Variants in THSD4 observed in about 807,000 individuals in gnomAD.
THSD4 encodes the protein thrombospondin type-1 domain-containing protein 4.
THSD4 carries 69 observed loss-of-function variants against 119.0 expected under a neutral mutation model. That is an observed-to-expected ratio of 0.58 (90% CI 0.48 to 0.71). THSD4 has a LOEUF of 0.71. Among genes scored for constraint, THSD4 ranks in the 30% least tolerant of loss-of-function variants. The probability of loss-of-function intolerance (pLI) is 0.00; values close to 1 mark genes in which losing one functional copy is unlikely to be tolerated. For missense variants in THSD4, 1,393 were observed against 1,391.1 expected (o/e 1.00, Z -0.02); for synonymous variants, 524 against 540.4 (o/e 0.97, Z 0.42).
chr15:71,186,033 G>A (rs2043598192), intron 3 of THSD4: 1 of 152,158 alleles, frequency 6.6e-6, no homozygotes, highest in African/African-American at 2.4e-5. Flanking sequence ...TTTAATCCTG[G>A]CAACAACTTT....
intron 7 of THSD4, among the ~76,000 whole-genome samples, chr15:71,437,416 G>T (rs1005863935): frequency 1.2e-4 from 18 of 152,208 alleles, no homozygotes; most frequent in Admixed American, 9.2e-4. Flanking sequence ...TTGACAGCTT[G>T]AGTCTTTCTT....
intron 7 of THSD4, among the ~76,000 whole-genome samples, chr15:71,538,331 C>T (rs2048713617): frequency 6.6e-6 from 1 of 152,198 alleles, no homozygotes; most frequent in Non-Finnish European, 1.5e-5. Context: ...TGGCTGGCCA[C>T]ATTCCCAACC....
chr15:71,190,098 G>A (rs573802129), intron 3 of THSD4, among the ~76,000 whole-genome samples: 1 of 152,224 alleles, frequency 6.6e-6, no homozygotes. Context: ...ACCTGGGGTA[G>A]ACATCATTTA....
At chr15:71,301,112 G>A (rs1374628984) in intron 6 of THSD4, among the ~76,000 whole-genome samples, 1 of 152,104 alleles carries the variant, frequency 6.6e-6, no homozygotes, top group Non-Finnish European at 1.5e-5. Flanking sequence ...ATTACAGGTT[G>A]GAGGGTTTTT....
At chr15:71,648,877 C>A (rs180940667) in intron 7 of THSD4, among the ~76,000 whole-genome samples, 8 of 152,336 alleles carry the variant, frequency 5.3e-5, no homozygotes, top group Non-Finnish European at 1.2e-4. Context: ...CCTTCATTTA[C>A]ACATTTCATT....
chr15:71,461,886 T>G (rs16955642), intron 7 of THSD4, among the ~76,000 whole-genome samples: 30,168 of 151,930 alleles, frequency 0.2, 3,367 homozygotes, highest in South Asian at 0.38. Flanking sequence ...ACCATTCATT[T>G]GTTGCCATCC....
intron 1 of THSD4, among the ~76,000 whole-genome samples, chr15:71,099,800 A>G (rs1251946779): frequency 1.2e-4 from 18 of 152,090 alleles, no homozygotes; most frequent in Admixed American, 1.2e-3. Flanking sequence ...CCCCTTCCCT[A>G]CAAAAAATAC....
intron 7 of THSD4, among the ~76,000 whole-genome samples, chr15:71,657,064 C>T (rs534586213): frequency 1.3e-5 from 2 of 152,166 alleles, no homozygotes; most frequent in African/African-American, 4.8e-5. Flanking sequence ...TGTTAATTAT[C>T]GACTTTCTAA....
At chr15:71,722,580 A>G (rs913995227) in intron 8 of THSD4, among the ~76,000 whole-genome samples, 3 of 152,194 alleles carry the variant, frequency 2.0e-5, no homozygotes, top group Admixed American at 2.0e-4. Context: ...TGATGTGTGA[A>G]TGGGATCGTA....
chr15:71,597,306 A>G (rs1457488025), intron 7 of THSD4, among the ~76,000 whole-genome samples: 2 of 152,194 alleles, frequency 1.3e-5, no homozygotes, highest in Non-Finnish European at 2.9e-5. Context: ...CTCTTTAGCA[A>G]TTGATATGTA....
At chr15:71,341,569 C>A (rs374840427) in intron 6 of THSD4, 196 of 1,608,364 alleles carry the variant, frequency 1.2e-4, no homozygotes, top group Middle Eastern at 6.0e-4. Context: ...TGACATCTTT[C>A]AGATACTTCG....
chr15:71,628,476 G>A (rs879419457), intron 7 of THSD4, among the ~76,000 whole-genome samples: 5 of 152,192 alleles, frequency 3.3e-5, no homozygotes, highest in Non-Finnish European at 5.9e-5. Flanking sequence ...GGAATTTGAA[G>A]CAAGGTGCAC....
At chr15:71,159,711 A>G (rs374268821) in intron 3 of THSD4, among the ~76,000 whole-genome samples, 3 of 152,242 alleles carry the variant, frequency 2.0e-5, no homozygotes, top group East Asian at 3.9e-4. Context: ...TTTTCTGTAT[A>G]TAAGATTGTG....
rs967024584 is a variant in THSD4 at position 71,120,709 on chromosome 15, G to A, written c.-80+5011G>A. On this transcript the variant is annotated intron_variant, in intron 1 of 17. Coordinates refer to ENST00000261862, the MANE Select transcript of THSD4 (RefSeq NM_024817.3). ...AGGGCCAGCCATGGGCTGGGAGCTC[G>A]TCATGACCTGCTCCAGGTGGGCTTG... Among the ~76,000 whole-genome samples, 9 of 152,128 alleles carry A rather than the reference G, an allele frequency of 5.9e-5. No homozygotes were observed. In the East Asian group the frequency reaches 1.5e-3, roughly 26 times the overall value.
chr15:71,662,772 T>C (rs1020708058), intron 8 of THSD4, among the ~76,000 whole-genome samples: 2 of 152,184 alleles, frequency 1.3e-5, no homozygotes, highest in African/African-American at 4.8e-5. Context: ...TAAGTAGTCA[T>C]GCGATTCAAT....
chr15:71,409,519 A>G (rs2140498788), intron 6 of THSD4, among the ~76,000 whole-genome samples: 1 of 152,330 alleles, frequency 6.6e-6, no homozygotes, highest in South Asian at 2.1e-4. Flanking sequence ...AATAAATCCC[A>G]GAGGTGATTC....
intron 6 of THSD4, among the ~76,000 whole-genome samples, chr15:71,406,644 G>C (rs997420879): frequency 4.8e-4 from 1 of 2,076 alleles, no homozygotes; most frequent in African/African-American, 1.2e-3. Context: ...GGTTTGTTTG[G>C]TGTGTGTGTG....
chr15:71,740,866 T>C (rs577687449), intron 11 of THSD4, among the ~76,000 whole-genome samples: 1 of 152,236 alleles, frequency 6.6e-6, no homozygotes, highest in African/African-American at 2.4e-5. Context: ...TTCCTGATTC[T>C]GCAAAGAACA....
intron 6 of THSD4, among the ~76,000 whole-genome samples, chr15:71,393,021 C>A (rs552835302): frequency 1.3e-5 from 2 of 152,212 alleles, no homozygotes; most frequent in South Asian, 4.1e-4. Context: ...CTCCGTTTCT[C>A]ATTTGTTCAA....
Sources: allele counts gnomAD v4.1 joint callset (sites outside exome capture counted in the v4.1 genomes callset), GRCh38; gene constraint gnomAD v4.1.1; transcripts MANE v1.5; gene names NCBI Gene and HGNC (gene_info 2026-07-23, HGNC 2026-07-21).